Variants in DLGAP1 observed in about 807,000 individuals in gnomAD.
DLGAP1 encodes disks large-associated protein 1.
A neutral mutation model predicts 90.8 loss-of-function variants in DLGAP1; 11 were observed. The ratio of observed to expected loss-of-function variants is 0.12; its 90% confidence interval spans 0.08 to 0.20. DLGAP1 has a LOEUF of 0.20. Ranked by LOEUF, DLGAP1 falls within the 10% of genes least tolerant of loss-of-function variation. The pLI is 1.00. For synonymous variants in DLGAP1, 558 were observed against 540.7 expected, an observed-to-expected ratio of 1.03 and a Z score of -0.44; for missense variants, 1,050 against 1,333.8, an observed-to-expected ratio of 0.79 and a Z score of 3.31.
At chr18:4,374,037 G>A (rs934786478) in intron 1 of DLGAP1, among the ~76,000 whole-genome samples, 4 of 152,168 alleles carry the variant, frequency 2.6e-5, no homozygotes, top group Non-Finnish European at 4.4e-5. Context: ...CTCTATAGAT[G>A]TAAAGGGACA....
intron 3 of DLGAP1, among the ~76,000 whole-genome samples, chr18:3,890,023 G>C (rs570711176): frequency 6.6e-6 from 1 of 152,244 alleles, no homozygotes; most frequent in East Asian, 1.9e-4. Context: ...AGACTCTGTG[G>C]TCATCTGCAG....
At chr18:3,551,995 A>G (rs1217933622) in intron 9 of DLGAP1, among the ~76,000 whole-genome samples, 1 of 149,918 alleles carries the variant, frequency 6.7e-6, no homozygotes, top group Non-Finnish European at 1.5e-5. Flanking sequence ...TTTTGTAGAT[A>G]GAGGGTCTCA....
At chr18:3,801,932 GC>G (rs2066313819) in intron 5 of DLGAP1, among the ~76,000 whole-genome samples, 1 of 151,980 alleles carries the variant, frequency 6.6e-6, no homozygotes, top group Non-Finnish European at 1.5e-5. Flanking sequence ...CTTGTAATTG[GC>G]TTTTTGACTC....
intron 3 of DLGAP1, among the ~76,000 whole-genome samples, chr18:3,940,609 A>G (rs1436888763): frequency 1.3e-5 from 2 of 152,202 alleles, no homozygotes; most frequent in Non-Finnish European, 2.9e-5. Flanking sequence ...TTAAGTCAAA[A>G]TAAGTAACCA....
intron 10 of DLGAP1, among the ~76,000 whole-genome samples, chr18:3,523,769 A>G (rs1408435451): frequency 1.3e-5 from 2 of 151,512 alleles, no homozygotes; most frequent in Non-Finnish European, 2.9e-5. Flanking sequence ...AATGGTGTGA[A>G]CTCAGAAGGC....
At chr18:3,845,623 A>T (rs2068963010) in intron 4 of DLGAP1, 1 of 985,218 alleles carries the variant, frequency 1.0e-6, no homozygotes, top group South Asian at 4.7e-5. Context: ...TTATCTCAGT[A>T]AATTCTGGGC....
At chr18:4,055,975 G>A (rs2075208584) in intron 2 of DLGAP1, among the ~76,000 whole-genome samples, 1 of 152,226 alleles carries the variant, frequency 6.6e-6, no homozygotes, top group African/African-American at 2.4e-5. Context: ...GACTCTCACA[G>A]AGGAGGTGTA....
In DLGAP1 at chr18:4,354,440, A is replaced by C. The variant is rs191870868; in HGVS notation, c.-267+100566T>G. On this transcript the variant is annotated intron_variant, in intron 1 of 12. Transcript: ENST00000315677. ...GACACGCCCTAGTTTTATTACCCTT[A>C]GATGAATATCTTTTTGTCCGATCAC... Among the ~76,000 whole-genome samples, 27 of 152,286 alleles carry C rather than the reference A, an allele frequency of 1.8e-4. No homozygotes were observed. The East Asian group carries it at 4.8e-3, about 27-fold the overall frequency.
intron 4 of DLGAP1, among the ~76,000 whole-genome samples, chr18:3,858,545 CATATAT>C (rs766573998): frequency 1.3e-5 from 2 of 149,474 alleles, no homozygotes; most frequent in East Asian, 3.9e-4. Flanking sequence ...CACACACACA[CATATAT>C]ATATATAAAA....
chr18:3,835,850 T>A (rs1452520966), intron 4 of DLGAP1, among the ~76,000 whole-genome samples: 1 of 152,114 alleles, frequency 6.6e-6, no homozygotes, highest in Non-Finnish European at 1.5e-5. Context: ...CCTTCTCCCT[T>A]CCAATTATGT....
chr18:4,388,329 G>A lies in DLGAP1; in HGVS notation c.-267+66677C>T, dbSNP rs1251553407. ...AGGAGACGGTTTCGAAGGAAAAAAT[G>A]GTTTCAGTTTTGCACATGTGCCTGT... is the stretch of plus-strand genomic sequence containing the variant. On this transcript the variant is annotated intron_variant, in intron 1 of 12. Coordinates refer to ENST00000315677, the MANE Select transcript of DLGAP1 (RefSeq NM_004746.4). Among the ~76,000 whole-genome samples the A allele has an allele frequency of 3.3e-5, 5 of 152,016 alleles. No individual in the cohort carries two copies. The East Asian group carries it at 9.8e-4, about 30-fold the overall frequency.
At chr18:3,981,390 CGACCCATGAG>C (rs532040496) in intron 3 of DLGAP1, among the ~76,000 whole-genome samples, 7 of 152,352 alleles carry the variant, frequency 4.6e-5, no homozygotes, top group Admixed American at 2.0e-4. Flanking sequence ...GTCCTCATCC[CGACCCATGAG>C]GATTCAGACC....
chr18:4,201,526 C>G (rs184902147), intron 1 of DLGAP1, among the ~76,000 whole-genome samples: 13 of 152,072 alleles, frequency 8.5e-5, no homozygotes, highest in African/African-American at 2.9e-4. Flanking sequence ...TAACTATATC[C>G]TTGTAATATA....
chr18:4,121,953 T>G (rs969266328), intron 2 of DLGAP1, among the ~76,000 whole-genome samples: 2 of 152,144 alleles, frequency 1.3e-5, no homozygotes, highest in Middle Eastern at 3.2e-3. Context: ...TTATCTTCTT[T>G]TTAAAGGTGA....
chr18:3,951,660 G>A (rs889683246), intron 3 of DLGAP1, among the ~76,000 whole-genome samples: 4 of 152,120 alleles, frequency 2.6e-5, no homozygotes, highest in East Asian at 3.8e-4. Context: ...TAATTCCTAC[G>A]TGTTGGGAGA....
chr18:4,368,570 A>T (rs1261034855), intron 1 of DLGAP1, among the ~76,000 whole-genome samples: 1 of 151,768 alleles, frequency 6.6e-6, no homozygotes, highest in African/African-American at 2.4e-5. Context: ...GACCTTGCAG[A>T]TTTAGACTTG....
intron 2 of DLGAP1, among the ~76,000 whole-genome samples, chr18:4,067,938 A>G (rs2075393290): frequency 6.6e-6 from 1 of 152,048 alleles, no homozygotes; most frequent in Non-Finnish European, 1.5e-5. Flanking sequence ...GGACCTCTTG[A>G]GACTGTGCCT....
At chr18:4,369,577 T>C (rs1449933504) in intron 1 of DLGAP1, among the ~76,000 whole-genome samples, 1 of 152,084 alleles carries the variant, frequency 6.6e-6, no homozygotes, top group East Asian at 1.9e-4. Flanking sequence ...ACCTACTGAA[T>C]AGCCAGGTAC....
intron 3 of DLGAP1, chr18:3,885,409 C>G (rs1412759894): frequency 1.3e-5 from 2 of 152,146 alleles, no homozygotes; most frequent in Non-Finnish European, 1.5e-5. Flanking sequence ...ATGTCATAAG[C>G]CTTTTGGCCA....
Sources: allele counts gnomAD v4.1 joint callset (sites outside exome capture counted in the v4.1 genomes callset), GRCh38; gene constraint gnomAD v4.1.1; transcripts MANE v1.5; gene names NCBI Gene and HGNC (gene_info 2026-07-23, HGNC 2026-07-21).